Variants in GBE1 observed in about 807,000 individuals in gnomAD.
GBE1 encodes the protein 1,4-alpha-glucan branching enzyme 1, also known as 1,4-alpha-glucan-branching enzyme.
In GBE1, 70 loss-of-function variants were observed where a neutral mutation model predicts 88.8. The observed-to-expected ratio is 0.79, with a 90% CI of 0.65 to 0.96. The LOEUF (loss-of-function observed/expected upper bound fraction) is 0.96, where lower values mean the gene tolerates loss of function less well. Ranked by LOEUF, GBE1 falls within the 40% of genes least tolerant of loss-of-function variation. The pLI, the probability that GBE1 is intolerant of heterozygous loss-of-function variation, is 0.00. For missense variants in GBE1, 872 were observed against 871.0 expected (o/e 1.00, Z -0.01); for synonymous variants, 284 against 300.1 (o/e 0.95, Z 0.56).
intron 14 of GBE1, among the ~76,000 whole-genome samples, chr3:81,530,373 G>C (rs950627732): frequency 4.6e-5 from 7 of 151,806 alleles, no homozygotes; most frequent in Admixed American, 3.9e-4. Context: ...TTTCCTGGAA[G>C]GTCGTGATGT....
At chr3:81,585,090 TTA>T (rs1703784735) in intron 10 of GBE1, among the ~76,000 whole-genome samples, 1 of 152,086 alleles carries the variant, frequency 6.6e-6, no homozygotes, top group Non-Finnish European at 1.5e-5. Context: ...TCCTTTGTTT[TTA>T]TGTTTTCTAA....
intron 2 of GBE1, among the ~76,000 whole-genome samples, chr3:81,686,654 C>T (rs932860273): frequency 1.3e-5 from 2 of 152,050 alleles, no homozygotes. Context: ...TCTCTGGAGG[C>T]TGAGGCAGGA....
chr3:81,503,016 T>G (rs555823535), intron 14 of GBE1, among the ~76,000 whole-genome samples: 2 of 152,186 alleles, frequency 1.3e-5, no homozygotes, highest in Non-Finnish European at 2.9e-5. Flanking sequence ...GGTTCCCAAT[T>G]TCCCAATAAA....
intron 1 of GBE1, among the ~76,000 whole-genome samples, chr3:81,751,295 G>A (rs913734893): frequency 1.3e-5 from 2 of 152,192 alleles, no homozygotes; most frequent in Admixed American, 1.3e-4. Context: ...ATCTCACTGG[G>A]CTTTTCATCT....
intron 3 of GBE1, among the ~76,000 whole-genome samples, chr3:81,670,200 A>T (rs1422248136): frequency 6.6e-6 from 1 of 152,196 alleles, no homozygotes; most frequent in South Asian, 2.1e-4. Flanking sequence ...ATGAGACAAG[A>T]GCAGCCGACT....
intron 1 of GBE1, among the ~76,000 whole-genome samples, chr3:81,722,059 T>C (rs1706042595): frequency 6.6e-6 from 1 of 152,220 alleles, no homozygotes; most frequent in Non-Finnish European, 1.5e-5. Context: ...ATCATTGTAA[T>C]AACTTGTAAC....
At chr3:81,493,895 T>A (rs1363069913) in intron 15 of GBE1, among the ~76,000 whole-genome samples, 1 of 151,960 alleles carries the variant, frequency 6.6e-6, no homozygotes, top group African/African-American at 2.4e-5. Flanking sequence ...CACTGCAATA[T>A]ATTCCCATTG....
intron 1 of GBE1, 146 bp downstream of exon 1, chr3:81,761,229 G>C: frequency 9.5e-7 from 1 of 1,056,108 alleles, no homozygotes; most frequent in Non-Finnish European, 1.4e-6. Context: ...CCGGTTACCC[G>C]AGTCACCCCG....
chr3:81,597,348 A>T (rs1261935023), intron 7 of GBE1, among the ~76,000 whole-genome samples: 1 of 151,372 alleles, frequency 6.6e-6, no homozygotes, highest in Non-Finnish European at 1.5e-5. Flanking sequence ...CTGTCTTTAC[A>T]AACCACTTAC....
chr3:81,604,282 CTTTCTTTTT>C (rs1281093130), intron 7 of GBE1, among the ~76,000 whole-genome samples: 5 of 112,616 alleles, frequency 4.4e-5, no homozygotes, highest in African/African-American at 2.1e-4. Flanking sequence ...TCTTTTCTTT[CTTTCTTTTT>C]TTTTTTTTTT....
intron 12 of GBE1, among the ~76,000 whole-genome samples, chr3:81,573,764 T>C (rs59609265): frequency 0.38 from 51,001 of 135,460 alleles, 9,006 homozygotes; most frequent in East Asian, 0.57. Context: ...TCTCTCTCTC[T>C]CTCTCTCTCT....
At chr3:81,537,242 G>C in intron 12 of GBE1, 147 bp from the exon 13 acceptor site, 1 of 548,596 alleles carries the variant, frequency 1.8e-6, no homozygotes, top group Non-Finnish European at 2.9e-6. Flanking sequence ...TGATGTACAG[G>C]TGTAGCTCAA....
At chr3:81,575,808 A>G (rs557449514) in intron 12 of GBE1, among the ~76,000 whole-genome samples, 1 of 152,294 alleles carries the variant, frequency 6.6e-6, no homozygotes, top group East Asian at 1.9e-4. Flanking sequence ...CAGTATTACT[A>G]TCTGTAGTTT....
chr3:81,562,926 T>A (rs1054314706), intron 12 of GBE1, among the ~76,000 whole-genome samples: 7 of 151,682 alleles, frequency 4.6e-5, no homozygotes, highest in Admixed American at 1.3e-4. Flanking sequence ...ACTCAGGTAA[T>A]AATCTAAAAT....
intron 1 of GBE1, among the ~76,000 whole-genome samples, chr3:81,746,512 C>CA (rs1706422210): frequency 6.6e-6 from 1 of 152,150 alleles, no homozygotes; most frequent in South Asian, 2.1e-4. Flanking sequence ...CCAACCACCT[C>CA]AGCCTCCCAA....
intron 12 of GBE1, among the ~76,000 whole-genome samples, chr3:81,541,458 C>CA (rs1559639120): frequency 6.0e-5 from 9 of 149,686 alleles, no homozygotes; most frequent in African/African-American, 2.2e-4. Context: ...TTGCCCCCCC[C>CA]GCCACCTCGC....
intron 3 of GBE1, among the ~76,000 whole-genome samples, chr3:81,657,648 C>T (rs1023511671): frequency 1.3e-5 from 2 of 152,038 alleles, no homozygotes; most frequent in Non-Finnish European, 2.9e-5. Context: ...CTACAAATGA[C>T]ATTATATATT....
intron 15 of GBE1, among the ~76,000 whole-genome samples, chr3:81,495,828 T>C (rs1471780889): frequency 6.6e-6 from 1 of 152,342 alleles, no homozygotes; most frequent in East Asian, 1.9e-4. Flanking sequence ...AAATCCTGTA[T>C]TTAAATCAAG....
At chr3:81,679,622 G>C (rs1476728301) in intron 2 of GBE1, among the ~76,000 whole-genome samples, 1 of 152,136 alleles carries the variant, frequency 6.6e-6, no homozygotes, top group African/African-American at 2.4e-5. Context: ...TGTTCTAGCT[G>C]TAACCAATAG....
Sources: allele counts gnomAD v4.1 joint callset (sites outside exome capture counted in the v4.1 genomes callset), GRCh38; gene constraint gnomAD v4.1.1; transcripts MANE v1.5; gene names NCBI Gene and HGNC (gene_info 2026-07-23, HGNC 2026-07-21).